The following LPAR5 variants were observed in gnomAD, a reference collection of about 807,000 sequenced individuals.
LPAR5 encodes the protein G protein-coupled receptor 92.
For synonymous variants in LPAR5, 271 were observed against 261.6 expected, an observed-to-expected ratio of 1.04 and a Z score of -0.35; for missense variants, 544 against 521.8, an observed-to-expected ratio of 1.04 and a Z score of -0.41.
chr12:6,621,083 C>T lies in LPAR5; in HGVS notation c.166G>A (p.Val56Met), dbSNP rs746876602. Residue 56 changes from valine to methionine, a missense_variant, in exon 2 of 2, where the codon GTG becomes ATG. Coordinates refer to ENST00000329858, the MANE Select transcript of LPAR5 (RefSeq NM_020400.6). ...VFLRALRVHSVVSVYMCNLAA... is the reference protein window; with the variant it reads ...VFLRALRVHSMVSVYMCNLAA... ...AGGTTACACATGTACACGCTCACCA[C>T]CGAGTGCACGCGCAGCGCGCGCAGG... The T allele has an allele frequency of 2.7e-5, 44 of 1,603,144 alleles. No individual in the cohort carries two copies. In the Admixed American group the frequency reaches 5.1e-4, roughly 19 times the overall value.
chr12:6,628,507 C>T (rs778008259), intron 1 of LPAR5, among the ~76,000 whole-genome samples: 6 of 151,956 alleles, frequency 3.9e-5, no homozygotes, highest in Non-Finnish European at 7.4e-5. Context: ...GTCACCCAGG[C>T]TGCAGTGAAG....
At position 6,620,317 on chromosome 12, in the gene LPAR5, A is replaced by G; in HGVS notation, c.932T>C (p.Leu311Pro). ...GGTCCTGGCCCGGTGCGGAGTGCCC[A>G]GGCCGCGCAGGGTGTTGCGGAAGCC... ...AEGFRNTLRG[L>P]GTPHRARTSA... Residue 311 changes from leucine (L) to proline (P), a missense_variant, in exon 2 of 2, where the codon CTG becomes CCG. Physicochemically the swap from Leu to Pro is moderately conservative, Grantham distance 98. Transcript: ENST00000329858. This position sits in a 1 kb window ranked among gnomAD's most constrained non-coding sequence, Gnocchi z 6.8. The G allele has an allele frequency of 1.2e-6, 2 of 1,607,854 alleles. No individual in the cohort carries two copies. Among genetic ancestry groups the G allele is most frequent in the Non-Finnish European group, 1.7e-6 (2 of 1,177,374 alleles).
intron 1 of LPAR5, among the ~76,000 whole-genome samples, chr12:6,629,013 C>T (rs1383689997): frequency 1.3e-5 from 2 of 148,410 alleles, no homozygotes; most frequent in Non-Finnish European, 3.0e-5. Flanking sequence ...TCAGGTAATC[C>T]GCCTGCCTTG....
intron 1 of LPAR5, chr12:6,631,642 T>C (rs1948981430): frequency 6.6e-6 from 1 of 152,310 alleles, no homozygotes; most frequent in Admixed American, 6.5e-5. Context: ...TGGGCACTGC[T>C]CTTTGCTGAG....
chr12:6,621,032 GGGTGAAGAGCA>G lies in LPAR5; in HGVS notation c.206_216del (p.Leu69ProfsTer167). On this transcript the variant is annotated frameshift_variant, in exon 2 of 2. Coordinates refer to ENST00000329858, the MANE Select transcript of LPAR5 (RefSeq NM_020400.6). LOFTEE classifies it low-confidence loss of function (END_TRUNC). The stretch of plus-strand genomic sequence containing the variant: ...TAGGAGAGACGAACGGGCAGCGAGA[GGGTGAAGAGCA>G]GGTCGCTGGCCGCCAGGTTACACAT... The G allele has an allele frequency of 6.2e-7, 1 of 1,610,674 alleles. No individual in the cohort carries two copies. Among genetic ancestry groups the G allele is most frequent in the Non-Finnish European group, 8.5e-7 (1 of 1,178,018 alleles).
Position 6,620,113 on chromosome 12 carries a change from C to A in LPAR5, c.*17G>T, listed in dbSNP as rs368771515. 2 of 1,613,438 alleles carry A rather than the reference C, an allele frequency of 1.2e-6. No individual in the cohort carries two copies. The highest frequency in any genetic ancestry group is 1.7e-6 in the Non-Finnish European group (2 of 1,179,866). Reference sequence around the variant, plus strand: ...GGCGTTGGGAGTCGGGCACGGACAGCGCAATGGCATGTGTGTTCAGAGGGC... The same window carrying A: ...GGCGTTGGGAGTCGGGCACGGACAGAGCAATGGCATGTGTGTTCAGAGGGC... On this transcript the variant is annotated 3_prime_UTR_variant, in exon 2 of 2. Coordinates refer to ENST00000329858, the MANE Select transcript of LPAR5 (RefSeq NM_020400.6). The surrounding 1 kb of genome is among the most constrained non-coding windows in gnomAD (Gnocchi z 6.8).
chr12:6,631,954 CCTTT>C (rs1302028732), intron 1 of LPAR5, among the ~76,000 whole-genome samples: 1 of 152,104 alleles, frequency 6.6e-6, no homozygotes, highest in African/African-American at 2.4e-5. Flanking sequence ...TCTTTTGCCT[CCTTT>C]CTTTCTTTCC....
At chr12:6,624,735 C>T (rs1948921613) in intron 1 of LPAR5, among the ~76,000 whole-genome samples, 1 of 152,192 alleles carries the variant, frequency 6.6e-6, no homozygotes, top group Non-Finnish European at 1.5e-5. Context: ...ATTCTCCTGC[C>T]TCAGCCTCCC....
At chr12:6,625,531 C>T (rs1467153975) in intron 1 of LPAR5, among the ~76,000 whole-genome samples, 1 of 150,792 alleles carries the variant, frequency 6.6e-6, no homozygotes, top group East Asian at 2.0e-4. Context: ...ACCATCCTGG[C>T]TAACATGGTG....
At position 6,619,872 on chromosome 12, in the gene LPAR5, A is replaced by G; in HGVS notation, c.*258T>C. On this transcript the variant is annotated 3_prime_UTR_variant, in exon 2 of 2. Transcript: ENST00000329858. Reference sequence around the variant, plus strand: ...CATTTCGTCCTCTTCTGCCCTCTGCACGGGTGGGCTCTCTGCATCACTTCC... The same window carrying G: ...CATTTCGTCCTCTTCTGCCCTCTGCGCGGGTGGGCTCTCTGCATCACTTCC... 8.9e-6 allele frequency: 6 copies of G among 672,464 alleles called. No individual in the cohort carries two copies. Among genetic ancestry groups the G allele is most frequent in the Non-Finnish European group, 1.6e-5 (6 of 366,862 alleles). The allele number at this position is 672,464 out of a possible 1,614,324, so 41.7% of individuals were successfully genotyped here.
rs537224234 is a variant in LPAR5, at chr12:6,620,856, G to C, written c.393C>G (p.His131Gln). 162 of 1,565,994 alleles carry C rather than the reference G, an allele frequency of 1.0e-4. No individual in the cohort carries two copies. The East Asian group carries it at 3.8e-3, about 36-fold the overall frequency. The stretch of plus-strand genomic sequence containing the variant: ...GCCGCGCCACGCGGGGCCGCCGCAG[G>C]TGGCGCAGTCGCAGCGGGTGCACGA... ...AAIVHPLRLRHLRRPRVARLL... is the reference protein window; with the variant it reads ...AAIVHPLRLRQLRRPRVARLL... The change falls in exon 2 of 2, where the codon CAC becomes CAG. Residue 131 changes from histidine (H) to glutamine (Q), a missense_variant. Coordinates refer to ENST00000329858, the MANE Select transcript of LPAR5 (RefSeq NM_020400.6). This position sits in a 1 kb window ranked among gnomAD's most constrained non-coding sequence, Gnocchi z 6.8.
At chr12:6,626,268 C>CGA (rs965747493) in intron 1 of LPAR5, among the ~76,000 whole-genome samples, 2 of 152,060 alleles carry the variant, frequency 1.3e-5, no homozygotes, top group African/African-American at 4.8e-5. Context: ...GAGCAAGACT[C>CGA]CATCTCAAAA....
At chr12:6,634,290 C>A (rs1948998243) in intron 1 of LPAR5, among the ~76,000 whole-genome samples, 1 of 151,704 alleles carries the variant, frequency 6.6e-6, no homozygotes, top group African/African-American at 2.4e-5. Flanking sequence ...CAGGTGTGAG[C>A]CACCACGCTC....
chr12:6,620,007 T>A lies in LPAR5; in HGVS notation c.*123A>T. 1 of 1,316,340 alleles carries A rather than the reference T, an allele frequency of 7.6e-7. No individual in the cohort carries two copies. The highest frequency in any genetic ancestry group is 1.8e-4 in the Middle Eastern group (1 of 5,568). The allele number at this position is 1,316,340 out of a possible 1,614,324, so 81.5% of individuals were successfully genotyped here. On this transcript the variant is annotated 3_prime_UTR_variant, in exon 2 of 2. Coordinates refer to ENST00000329858, the MANE Select transcript of LPAR5 (RefSeq NM_020400.6). The surrounding 1 kb of genome is among the most constrained non-coding windows in gnomAD (Gnocchi z 6.8). ...CACACTTTGTACTCTTCTGCGTTGC[T>A]AAGCTGGAATTGCCACCCAAAGGTC... is the stretch of plus-strand genomic sequence containing the variant.
In LPAR5 at chr12:6,620,805, G is replaced by A; in HGVS notation, c.444C>T (p.Leu148=). The A allele has an allele frequency of 1.9e-6, 3 of 1,572,560 alleles. No individual in the cohort carries two copies. Among genetic ancestry groups the A allele is most frequent in the Non-Finnish European group, 1.7e-6 (2 of 1,159,558 alleles). The change falls in exon 2 of 2, where the codon CTC becomes CTT. Residue 148 remains leucine (L), a synonymous_variant. Transcript: ENST00000329858. This position sits in a 1 kb window ranked among gnomAD's most constrained non-coding sequence, Gnocchi z 6.8. ...CGGCGGGCACGGCAAACACCAGGATGAGCGCCCACACGCCCAGGCAGAGCA... is the reference window on the plus strand; with the variant it reads ...CGGCGGGCACGGCAAACACCAGGATAAGCGCCCACACGCCCAGGCAGAGCA... ...ARLLCLGVWA[L]ILVFAVPAAR... is the part of the protein sequence containing the mutation.
intron 1 of LPAR5, 90 bp from the exon 2 acceptor site, chr12:6,621,554 C>G (rs935753140): frequency 1.4e-5 from 4 of 284,838 alleles, no homozygotes; most frequent in Non-Finnish European, 2.7e-5. Context: ...TGAATCTTTT[C>G]TCAGCCTCAA....
chr12:6,635,484 C>A (rs2136246646), intron 1 of LPAR5, among the ~76,000 whole-genome samples: 1 of 152,288 alleles, frequency 6.6e-6, no homozygotes, highest in African/African-American at 2.4e-5. Context: ...TAGATCAGCT[C>A]ATTGTCATCT....
intron 1 of LPAR5, among the ~76,000 whole-genome samples, chr12:6,626,780 C>G (rs1172500849): frequency 6.6e-6 from 1 of 152,206 alleles, no homozygotes; most frequent in Non-Finnish European, 1.5e-5. Flanking sequence ...CAGGACTCTG[C>G]AAAGCCTTCC....
At chr12:6,627,365 G>T (rs1373679661) in intron 1 of LPAR5, among the ~76,000 whole-genome samples, 1 of 152,194 alleles carries the variant, frequency 6.6e-6, no homozygotes, top group Non-Finnish European at 1.5e-5. Context: ...GCCGAGGCAG[G>T]CGTATCACGA....
Sources: gnomAD v4.1 joint callset for allele counts (sites outside exome capture counted in the v4.1 genomes callset) on GRCh38, gnomAD v4.1.1 for gene constraint, Gnocchi (gnomAD v3.1) non-coding constraint, MANE v1.5 for transcripts, NCBI Gene and HGNC (gene_info 2026-07-23, HGNC 2026-07-21) for gene names.